Variants in CLIC5 observed in about 807,000 individuals in gnomAD.
CLIC5 encodes chloride intracellular channel protein 5.
CLIC5 carries 20 observed loss-of-function variants against 24.7 expected under a neutral mutation model. The ratio of observed to expected loss-of-function variants is 0.81; its 90% CI spans 0.57 to 1.18. The LOEUF is 1.18. Among genes scored for constraint, CLIC5 ranks in the 50% most tolerant of loss-of-function variants. The pLI is 0.00. For missense variants in CLIC5, 341 were observed against 326.1 expected, an observed-to-expected ratio of 1.05 and a Z score of -0.35; for synonymous variants, 159 against 135.6, an observed-to-expected ratio of 1.17 and a Z score of -1.20.
At chr6:46,012,340 T>C (rs1295511416) in intron 1 of CLIC5, among the ~76,000 whole-genome samples, 1 of 152,212 alleles carries the variant, frequency 6.6e-6, no homozygotes, top group Non-Finnish European at 1.5e-5. Flanking sequence ...TCCAAATCCC[T>C]GCGCCATCCA....
At chr6:45,894,955 T>C (rs1412244677), downstream of CLIC5, among the ~76,000 whole-genome samples, 1 of 152,092 alleles carries the variant, frequency 6.6e-6, no homozygotes, top group Non-Finnish European at 1.5e-5. Flanking sequence ...AAAAATATAT[T>C]TGGCCCCAGA....
chr6:45,886,354 A>T (rs999768388), intron 6 of CLIC5, among the ~76,000 whole-genome samples: 54 of 152,104 alleles, frequency 3.6e-4, no homozygotes, highest in Non-Finnish European at 5.9e-4. Flanking sequence ...GGGTGTGCTC[A>T]CCCTGAGCAG....
At chr6:45,984,255 G>A (rs984507971) in intron 1 of CLIC5, among the ~76,000 whole-genome samples, 2 of 152,222 alleles carry the variant, frequency 1.3e-5, no homozygotes, top group African/African-American at 4.8e-5. Context: ...TGAGAGGGAT[G>A]TGTAGAATTA....
chr6:46,008,583 G>C (rs1050303086), intron 1 of CLIC5, among the ~76,000 whole-genome samples: 10 of 152,160 alleles, frequency 6.6e-5, no homozygotes, highest in African/African-American at 2.4e-4. Context: ...GCCTGGCACA[G>C]AGTAGGTGCT....
chr6:45,938,035 C>G (rs1227419349), intron 4 of CLIC5, among the ~76,000 whole-genome samples: 1 of 151,866 alleles, frequency 6.6e-6, no homozygotes, highest in Non-Finnish European at 1.5e-5. Flanking sequence ...AGGGAGGGCT[C>G]TGCTCAAGAG....
At chr6:45,962,607 ATTT>A (rs2127395099) in intron 1 of CLIC5, among the ~76,000 whole-genome samples, 1 of 152,104 alleles carries the variant, frequency 6.6e-6, no homozygotes, top group African/African-American at 2.4e-5. Context: ...ATATTTAAAT[ATTT>A]TACTTGATTC....
intron 1 of CLIC5, among the ~76,000 whole-genome samples, chr6:46,028,625 C>G (rs2127454300): frequency 6.6e-6 from 1 of 151,794 alleles, no homozygotes; most frequent in Non-Finnish European, 1.5e-5. Flanking sequence ...GATCTATTTT[C>G]TCTCCCTCTC....
intron 1 of CLIC5, among the ~76,000 whole-genome samples, chr6:45,979,537 G>A (rs1310596462): frequency 6.6e-6 from 1 of 152,194 alleles, no homozygotes; most frequent in Non-Finnish European, 1.5e-5. Flanking sequence ...GCCTTGTCCT[G>A]AATCACATTG....
intron 4 of CLIC5, among the ~76,000 whole-genome samples, chr6:45,928,051 A>G (rs1428587676): frequency 6.6e-6 from 1 of 152,176 alleles, no homozygotes; most frequent in Non-Finnish European, 1.5e-5. Context: ...ACTCCGGCTC[A>G]GCCTGGAAAC....
At chr6:45,957,161 G>T (rs1047716531) in intron 1 of CLIC5, among the ~76,000 whole-genome samples, 1 of 152,072 alleles carries the variant, frequency 6.6e-6, no homozygotes, top group Non-Finnish European at 1.5e-5. Context: ...GTTTTCCTCT[G>T]GTGGTGGTGG....
chr6:45,973,264 T>A (rs1017260305), intron 1 of CLIC5, among the ~76,000 whole-genome samples: 1 of 152,142 alleles, frequency 6.6e-6, no homozygotes, highest in Non-Finnish European at 1.5e-5. Context: ...CATGGCTGGG[T>A]TAGTAAACTG....
At chr6:45,913,415 G>A (rs947500954) in intron 5 of CLIC5, among the ~76,000 whole-genome samples, 2 of 152,146 alleles carry the variant, frequency 1.3e-5, no homozygotes, top group African/African-American at 2.4e-5. Flanking sequence ...GAGAAAAAAT[G>A]GATAGCAGGG....
In CLIC5 at chr6:46,026,601, T is replaced by C. The variant is rs528659709; in HGVS notation, c.540+53102A>G. 4.8e-3 allele frequency among the ~76,000 whole-genome samples: 732 copies of C among 152,328 alleles called. 5 individuals carry two copies. The highest frequency in any genetic ancestry group is 0.016 in the African/African-American group (677 of 41,568). On this transcript the variant is annotated intron_variant, in intron 1 of 5. Coordinates refer to the CLIC5 transcript ENST00000185206. ...CATTATTTTAATTGCTTCAATTTCC[T>C]TCTTCCAAGGAGAAGGCAGAAAGTT...
At chr6:45,930,399 G>T (rs1254884413) in intron 4 of CLIC5, among the ~76,000 whole-genome samples, 1 of 152,168 alleles carries the variant, frequency 6.6e-6, no homozygotes. Context: ...ACCTCCTATG[G>T]TAGATCCGTC....
intron 1 of CLIC5, among the ~76,000 whole-genome samples, chr6:45,993,985 A>T (rs1362537702): frequency 6.6e-6 from 1 of 152,212 alleles, no homozygotes; most frequent in Middle Eastern, 3.2e-3. Context: ...GTTAAGCTAA[A>T]GTTGGCTTCT....
the CLIC5 span, among the ~76,000 whole-genome samples, chr6:46,110,885 C>A: frequency 1.2e-4 from 18 of 152,096 alleles, no homozygotes; most frequent in African/African-American, 4.3e-4. Context: ...GCATTTTATG[C>A]AAATAATGAA....
chr6:46,037,736 A>G (rs1052829876), intron 1 of CLIC5, among the ~76,000 whole-genome samples: 1 of 152,198 alleles, frequency 6.6e-6, no homozygotes, highest in African/African-American at 2.4e-5. Context: ...GAGAAGTTAG[A>G]TGATTTGCCC....
chr6:45,976,031 G>C (rs11753733), intron 1 of CLIC5, among the ~76,000 whole-genome samples: 2,457 of 152,260 alleles, frequency 0.016, 26 homozygotes, highest in Non-Finnish European at 0.028. Context: ...AAGAAGTGGG[G>C]GCTGCTCATC....
chr6:46,067,272 C>T (rs762724090), intron 1 of CLIC5, among the ~76,000 whole-genome samples: 6 of 152,020 alleles, frequency 3.9e-5, no homozygotes, highest in African/African-American at 7.2e-5. Context: ...AAACAAGATT[C>T]GTTCCCCAAG....
Sources: gnomAD v4.1 joint callset for allele counts (sites outside exome capture counted in the v4.1 genomes callset) on GRCh38, gnomAD v4.1.1 for gene constraint, MANE v1.5 for transcripts, NCBI Gene and HGNC (gene_info 2026-07-23, HGNC 2026-07-21) for gene names.